The following CIMIP6 variants were observed in gnomAD, a reference collection of about 807,000 sequenced individuals.
CIMIP6 encodes the protein ciliary microtubule inner protein 6.
At chr2:54,331,328 T>C in the CIMIP6 span, among the ~76,000 whole-genome samples, 4 of 152,106 alleles carry the variant, frequency 2.6e-5, no homozygotes, top group Non-Finnish European at 4.4e-5. Flanking sequence ...TTCAGTACTG[T>C]GCCCACCCAG....
chr2:54,350,731 G>A, the CIMIP6 span, among the ~76,000 whole-genome samples: 1 of 152,176 alleles, frequency 6.6e-6, no homozygotes, highest in Non-Finnish European at 1.5e-5. Context: ...CCCTTCAACA[G>A]TCATTTAAAT....
the CIMIP6 span, chr2:54,381,986 G>T: frequency 1.3e-6 from 2 of 1,543,938 alleles, no homozygotes; most frequent in Non-Finnish European, 1.7e-6. Flanking sequence ...TACATTCACA[G>T]TAAGTATTAG....
the CIMIP6 span, among the ~76,000 whole-genome samples, chr2:54,362,406 C>T: frequency 6.6e-6 from 1 of 152,012 alleles, no homozygotes; most frequent in Non-Finnish European, 1.5e-5. Flanking sequence ...GGTTTTTTTC[C>T]ACCTTAGAAA....
chr2:54,360,164 C>T, the CIMIP6 span: 28 of 1,490,294 alleles, frequency 1.9e-5, no homozygotes, highest in South Asian at 2.0e-4. Flanking sequence ...CAGCAATCTG[C>T]GTTCTCCTGG....
At chr2:54,353,668 A>G in the CIMIP6 span, among the ~76,000 whole-genome samples, 1 of 152,170 alleles carries the variant, frequency 6.6e-6, no homozygotes. Flanking sequence ...CCAGAGTTCT[A>G]AAAAAGTTGA....
At chr2:54,365,098 A>C in the CIMIP6 span, among the ~76,000 whole-genome samples, 23 of 152,278 alleles carry the variant, frequency 1.5e-4, no homozygotes, top group Middle Eastern at 3.4e-3. Flanking sequence ...GGATCCTAGA[A>C]GAGCTTTGCT....
the CIMIP6 span, among the ~76,000 whole-genome samples, chr2:54,347,958 A>G: frequency 6.6e-6 from 1 of 152,090 alleles, no homozygotes; most frequent in Non-Finnish European, 1.5e-5. Flanking sequence ...CCAGCTTCCA[A>G]ATTTGTTAAA....
the CIMIP6 span, among the ~76,000 whole-genome samples, chr2:54,339,377 G>A: frequency 2.7e-5 from 2 of 73,916 alleles, 1 homozygote; most frequent in African/African-American, 9.1e-5. Context: ...TAAAGGTTCT[G>A]AGAAATCTTG....
chr2:54,331,373 A>G, the CIMIP6 span, among the ~76,000 whole-genome samples: 1 of 152,170 alleles, frequency 6.6e-6, no homozygotes, highest in Non-Finnish European at 1.5e-5. Context: ...GGGATGCTGC[A>G]ACAGCCCTCC....
the CIMIP6 span, among the ~76,000 whole-genome samples, chr2:54,369,538 G>A: frequency 1.3e-5 from 2 of 152,178 alleles, no homozygotes; most frequent in Non-Finnish European, 2.9e-5. Context: ...AATTTGTAAA[G>A]CAACCAGATA....
At chr2:54,370,621 A>G in the CIMIP6 span, among the ~76,000 whole-genome samples, 1 of 152,182 alleles carries the variant, frequency 6.6e-6, no homozygotes, top group Non-Finnish European at 1.5e-5. Flanking sequence ...CTAAGCTGAC[A>G]CTGGTTAGTT....
the CIMIP6 span, among the ~76,000 whole-genome samples, chr2:54,367,395 G>A: frequency 6.6e-6 from 1 of 151,740 alleles, no homozygotes; most frequent in African/African-American, 2.4e-5. Context: ...AAAAAAAATT[G>A]GTAATTTTCC....
the CIMIP6 span, among the ~76,000 whole-genome samples, chr2:54,350,407 T>G: frequency 6.6e-6 from 1 of 152,226 alleles, no homozygotes; most frequent in Non-Finnish European, 1.5e-5. Context: ...CCACATTCAC[T>G]TGGCAGATGG....
the CIMIP6 span, among the ~76,000 whole-genome samples, chr2:54,364,784 C>A: frequency 3.1e-4 from 47 of 152,338 alleles, no homozygotes; most frequent in African/African-American, 1.1e-3. Flanking sequence ...TTGTTAGACT[C>A]CTTACTGCCT....
chr2:54,345,766 G>A, the CIMIP6 span, among the ~76,000 whole-genome samples: 3 of 152,088 alleles, frequency 2.0e-5, no homozygotes, highest in African/African-American at 7.2e-5. Flanking sequence ...GCATTAAAAG[G>A]GTCTACTGGG....
At chr2:54,360,108 C>G in the CIMIP6 span, 1 of 1,429,530 alleles carries the variant, frequency 7.0e-7, no homozygotes, top group Non-Finnish European at 9.2e-7. Context: ...GCATCACTGA[C>G]TAGGACTTGA....
the CIMIP6 span, among the ~76,000 whole-genome samples, chr2:54,378,476 T>G: frequency 3.8e-3 from 574 of 152,282 alleles, 4 homozygotes; most frequent in African/African-American, 0.013. Flanking sequence ...ATGTTTTATA[T>G]ATGTTAATGC....
At chr2:54,363,302 G>A in the CIMIP6 span, among the ~76,000 whole-genome samples, 1 of 152,230 alleles carries the variant, frequency 6.6e-6, no homozygotes, top group South Asian at 2.1e-4. Context: ...AACATGATTT[G>A]TCTGATGAGC....
At chr2:54,351,775 T>C in the CIMIP6 span, among the ~76,000 whole-genome samples, 3 of 152,144 alleles carry the variant, frequency 2.0e-5, no homozygotes, top group Non-Finnish European at 4.4e-5. Flanking sequence ...CTTAAAACTT[T>C]AAAAAATAAT....
Sources: gnomAD v4.1 joint callset for allele counts (sites outside exome capture counted in the v4.1 genomes callset) on GRCh38, gnomAD v4.1.1 for gene constraint, MANE v1.5 for transcripts, NCBI Gene and HGNC (gene_info 2026-07-23, HGNC 2026-07-21) for gene names.